Variants in SLC24A3 observed in about 807,000 individuals in gnomAD.
The protein encoded by SLC24A3 is sodium/potassium/calcium exchanger 3.
SLC24A3 carries 28 observed loss-of-function variants against 75.8 expected under a neutral mutation model. That is an observed-to-expected ratio of 0.37 (90% confidence interval 0.27 to 0.51). The LOEUF is 0.51. SLC24A3 is among the 20% of genes least tolerant of loss of function. SLC24A3 has a pLI of 0.94. For missense variants in SLC24A3, 663 were observed against 847.8 expected (o/e 0.78, Z 2.71); for synonymous variants, 372 against 334.1 (o/e 1.11, Z -1.24).
At chr20:19,308,678 G>A (rs891751707) in intron 2 of SLC24A3, among the ~76,000 whole-genome samples, 5 of 152,112 alleles carry the variant, frequency 3.3e-5, no homozygotes, top group East Asian at 1.9e-4. Context: ...TTTGCAACTC[G>A]GAATGGAGAA....
chr20:19,292,256 C>T (rs1399589736), intron 2 of SLC24A3, among the ~76,000 whole-genome samples: 2 of 152,206 alleles, frequency 1.3e-5, no homozygotes, highest in Non-Finnish European at 2.9e-5. Context: ...CACTTTGCAA[C>T]AGTCCTGAGG....
intron 2 of SLC24A3, among the ~76,000 whole-genome samples, chr20:19,363,927 G>A (rs926004713): frequency 6.6e-5 from 10 of 152,200 alleles, no homozygotes; most frequent in South Asian, 6.2e-4. Flanking sequence ...GTGTCTGTGG[G>A]GAGACAGACT....
intron 3 of SLC24A3, among the ~76,000 whole-genome samples, chr20:19,570,171 C>T (rs1295735886): frequency 6.6e-6 from 1 of 151,604 alleles, no homozygotes; most frequent in Non-Finnish European, 1.5e-5. Context: ...GAAGGGGAAG[C>T]AGGCACATCT....
intron 3 of SLC24A3, among the ~76,000 whole-genome samples, chr20:19,557,861 A>C (rs1353793813): frequency 1.3e-5 from 2 of 152,204 alleles, no homozygotes; most frequent in Non-Finnish European, 2.9e-5. Flanking sequence ...TTAGACCTAA[A>C]TGGAATGTTT....
chr20:19,237,945 A>G (rs1277665695), intron 1 of SLC24A3, among the ~76,000 whole-genome samples: 1 of 151,992 alleles, frequency 6.6e-6, no homozygotes, highest in Non-Finnish European at 1.5e-5. Flanking sequence ...TGCCTTTTCT[A>G]TTTTCAACCC....
chr20:19,475,224 A>G (rs1987942800), intron 2 of SLC24A3, among the ~76,000 whole-genome samples: 1 of 152,086 alleles, frequency 6.6e-6, no homozygotes, highest in Non-Finnish European at 1.5e-5. Context: ...CTGTAGTCAC[A>G]GCTACTCGGG....
At chr20:19,242,045 C>T (rs987420420) in intron 1 of SLC24A3, among the ~76,000 whole-genome samples, 4 of 152,130 alleles carry the variant, frequency 2.6e-5, no homozygotes, top group South Asian at 2.1e-4. Context: ...CTGGCTCCAG[C>T]ACATCTCTGT....
rs778046824 is a variant in SLC24A3, at chr20:19,696,015, CT to C, written c.1492-764del. Among the ~76,000 whole-genome samples, 398 of 108,068 alleles carry C rather than the reference CT, an allele frequency of 3.7e-3. 3 individuals are homozygous for C. The highest frequency in any genetic ancestry group is 0.013 in the African/African-American group (359 of 28,142). 70.9% of individuals were successfully genotyped at this position (108,068 alleles called of 152,430 possible). A position where few individuals can be genotyped will look rare whatever the true frequency, so the allele number is the denominator to read the frequency against. The stretch of plus-strand genomic sequence containing the variant: ...ATGGCTTTCCCCTTTTTTTCCTTTT[CT>C]TTTTTTTTTTTTTTTTTGTGAGACA... On this transcript the variant is annotated intron_variant, in intron 13 of 16. Coordinates refer to ENST00000328041, the MANE Select transcript of SLC24A3 (RefSeq NM_020689.4).
intron 2 of SLC24A3, among the ~76,000 whole-genome samples, chr20:19,335,584 G>A (rs1017857206): frequency 2.6e-5 from 4 of 152,176 alleles, no homozygotes; most frequent in African/African-American, 9.7e-5. Context: ...CTGGAATTAT[G>A]CCTCCAGCTC....
At chr20:19,599,881 A>G (rs963532774) in intron 6 of SLC24A3, among the ~76,000 whole-genome samples, 1 of 152,158 alleles carries the variant, frequency 6.6e-6, no homozygotes, top group Admixed American at 6.5e-5. Flanking sequence ...TTTAAGGGAT[A>G]AGGAGGAAAG....
At chr20:19,597,587 C>G (rs2031467695) in intron 6 of SLC24A3, among the ~76,000 whole-genome samples, 1 of 152,126 alleles carries the variant, frequency 6.6e-6, no homozygotes, top group Non-Finnish European at 1.5e-5. Context: ...TTCAAGTCCT[C>G]TCTTCTAGCT....
intron 6 of SLC24A3, among the ~76,000 whole-genome samples, chr20:19,586,236 G>T (rs1338751941): frequency 6.6e-6 from 1 of 152,196 alleles, no homozygotes; most frequent in Non-Finnish European, 1.5e-5. Context: ...GCACCTGGAG[G>T]TTTGTTTGCA....
At chr20:19,579,563 C>A (rs971586036) in intron 3 of SLC24A3, among the ~76,000 whole-genome samples, 1 of 152,126 alleles carries the variant, frequency 6.6e-6, no homozygotes. Flanking sequence ...AGGAGACAGA[C>A]AATAGATGAA....
intron 6 of SLC24A3, among the ~76,000 whole-genome samples, chr20:19,594,661 G>A (rs150146629): frequency 1.2e-3 from 186 of 152,316 alleles, no homozygotes; most frequent in African/African-American, 3.8e-3. Context: ...CTCAACAGAG[G>A]TGATAGATTG....
intron 8 of SLC24A3, among the ~76,000 whole-genome samples, chr20:19,669,539 A>C (rs1280774821): frequency 7.9e-5 from 12 of 151,962 alleles, no homozygotes; most frequent in African/African-American, 2.9e-4. Flanking sequence ...AGAGGCCCAC[A>C]TATTAGGATG....
chr20:19,636,854 G>A (rs1397233080), intron 6 of SLC24A3, among the ~76,000 whole-genome samples: 1 of 152,132 alleles, frequency 6.6e-6, no homozygotes, highest in Non-Finnish European at 1.5e-5. Flanking sequence ...CCAAGTAACC[G>A]AAGATAATTC....
intron 6 of SLC24A3, among the ~76,000 whole-genome samples, chr20:19,587,368 C>G (rs1047538986): frequency 9.2e-5 from 14 of 152,176 alleles, no homozygotes; most frequent in Non-Finnish European, 1.8e-4. Flanking sequence ...ACACCTGCAT[C>G]AAAGGCAAAG....
chr20:19,237,409 A>G (rs2122157504), intron 1 of SLC24A3, among the ~76,000 whole-genome samples: 1 of 152,238 alleles, frequency 6.6e-6, no homozygotes, highest in South Asian at 2.1e-4. Context: ...GGATTTCATG[A>G]GAATTACCTT....
chr20:19,501,750 G>A (rs894410766), intron 2 of SLC24A3, among the ~76,000 whole-genome samples: 10 of 152,130 alleles, frequency 6.6e-5, no homozygotes, highest in Non-Finnish European at 1.5e-4. Context: ...GTCTCTTCCT[G>A]TAATCTCCCA....
Sources: gnomAD v4.1 joint callset for allele counts (sites outside exome capture counted in the v4.1 genomes callset) on GRCh38, gnomAD v4.1.1 for gene constraint, MANE v1.5 for transcripts, NCBI Gene and HGNC (gene_info 2026-07-23, HGNC 2026-07-21) for gene names.